SIM1: variants seen among roughly 807,000 people sequenced by gnomAD.
SIM1 encodes the protein SIM bHLH transcription factor 1, also known as single-minded homolog 1.
Under a neutral mutation model 78.2 loss-of-function variants are expected in SIM1, and 18 were observed. The ratio of observed to expected loss-of-function variants is 0.23; its 90% CI spans 0.16 to 0.34. SIM1 has a LOEUF of 0.34. SIM1 is among the 10% of genes least tolerant of loss of function. The pLI is 1.00. For missense variants in SIM1, 939 were observed against 975.1 expected (o/e 0.96, Z 0.49); for synonymous variants, 417 against 385.2 (o/e 1.08, Z -0.97).
intron 9 of SIM1, among the ~76,000 whole-genome samples, chr6:100,438,279 T>C (rs946790641): frequency 3.3e-5 from 5 of 151,982 alleles, no homozygotes; most frequent in Non-Finnish European, 5.9e-5. Context: ...ATACAAATAA[T>C]ACCATCAAAA....
chr6:100,391,895 G>A (rs1026254241), intron 11 of SIM1, among the ~76,000 whole-genome samples: 6 of 152,056 alleles, frequency 3.9e-5, no homozygotes, highest in Admixed American at 6.5e-5. Flanking sequence ...GAATAAGGCC[G>A]GGCATGGTGG....
At chr6:100,398,855 T>C (rs944452246) in intron 10 of SIM1, among the ~76,000 whole-genome samples, 1 of 152,090 alleles carries the variant, frequency 6.6e-6, no homozygotes, top group Non-Finnish European at 1.5e-5. Context: ...CTGTTTTTCA[T>C]AGAAGCTGCA....
At chr6:100,438,825 C>G (rs1350934798) in intron 9 of SIM1, among the ~76,000 whole-genome samples, 2 of 152,170 alleles carry the variant, frequency 1.3e-5, no homozygotes, top group African/African-American at 4.8e-5. Context: ...TTGGTTGGAA[C>G]TGGAGGCCAC....
intron 11 of SIM1, among the ~76,000 whole-genome samples, chr6:100,392,638 T>C (rs1770669604): frequency 6.6e-6 from 1 of 152,042 alleles, no homozygotes; most frequent in African/African-American, 2.4e-5. Context: ...GACAGGAAGG[T>C]TTATTAATGG....
chr6:100,433,532 C>CT (rs1441064207), intron 9 of SIM1, among the ~76,000 whole-genome samples: 3 of 152,084 alleles, frequency 2.0e-5, no homozygotes, highest in African/African-American at 4.8e-5. Flanking sequence ...TATTATATGA[C>CT]TTTTTTATTT....
chr6:100,423,436 C>T (rs1276607581), intron 9 of SIM1, among the ~76,000 whole-genome samples: 1 of 152,152 alleles, frequency 6.6e-6, no homozygotes, highest in African/African-American at 2.4e-5. Context: ...GGACTAAGTT[C>T]CTACCCCTCA....
intron 3 of SIM1, 110 bp downstream of exon 3, chr6:100,453,652 G>GA: frequency 1.2e-6 from 1 of 803,416 alleles, no homozygotes; most frequent in Non-Finnish European, 2.0e-6. Flanking sequence ...TGTGGGGGGG[G>GA]TTGTTTGTTT....
intron 10 of SIM1, among the ~76,000 whole-genome samples, chr6:100,415,871 GTC>G (rs903633086): frequency 6.6e-5 from 10 of 152,136 alleles, no homozygotes; most frequent in African/African-American, 2.4e-4. Flanking sequence ...TGGTGGGAAA[GTC>G]TCTTGGGTAA....
intron 2 of SIM1, among the ~76,000 whole-genome samples, chr6:100,461,477 T>C (rs1179954070): frequency 6.6e-6 from 1 of 152,182 alleles, no homozygotes; most frequent in African/African-American, 2.4e-5. Flanking sequence ...CCGCGATTAC[T>C]CGCAGCCCCA....
At chr6:100,440,347 G>C (rs1017408288) in intron 9 of SIM1, among the ~76,000 whole-genome samples, 1 of 152,182 alleles carries the variant, frequency 6.6e-6, no homozygotes, top group Admixed American at 6.5e-5. Context: ...TAAAGCCCAT[G>C]CCTTTGTTTC....
chr6:100,447,460 G>A, intron 8 of SIM1, 45 bp from the exon 9 acceptor site: 1 of 1,611,944 alleles, frequency 6.2e-7, no homozygotes, highest in South Asian at 1.1e-5. Context: ...CAGCCTGCCT[G>A]GGACTGGCCC....
intron 9 of SIM1, among the ~76,000 whole-genome samples, chr6:100,424,934 T>G (rs1477890295): frequency 6.6e-6 from 1 of 152,222 alleles, no homozygotes; most frequent in Non-Finnish European, 1.5e-5. Flanking sequence ...AAAAACCTTT[T>G]GCTGTATTTC....
At chr6:100,461,421 C>T (rs1011481236) in intron 2 of SIM1, among the ~76,000 whole-genome samples, 2 of 152,246 alleles carry the variant, frequency 1.3e-5, no homozygotes, top group Admixed American at 1.3e-4. Flanking sequence ...CTCTCCCGGC[C>T]GGCTCGGTGC....
chr6:100,455,709 G>A (rs1772632194), intron 2 of SIM1, among the ~76,000 whole-genome samples: 1 of 152,194 alleles, frequency 6.6e-6, no homozygotes, highest in Non-Finnish European at 1.5e-5. Flanking sequence ...CGGGGCACTC[G>A]AGCGAGCCTG....
intron 10 of SIM1, among the ~76,000 whole-genome samples, chr6:100,409,196 T>C (rs999235053): frequency 2.0e-5 from 3 of 152,158 alleles, no homozygotes; most frequent in Non-Finnish European, 4.4e-5. Flanking sequence ...GTTGGTGTGC[T>C]GCACCCATTA....
intron 10 of SIM1, among the ~76,000 whole-genome samples, chr6:100,412,757 AG>A (rs1268652968): frequency 7.5e-6 from 1 of 132,848 alleles, no homozygotes; most frequent in African/African-American, 2.7e-5. Context: ...GAAAGAAAAA[AG>A]AAAAGAAAAA....
intron 9 of SIM1, among the ~76,000 whole-genome samples, chr6:100,431,595 G>GATTTTGGA (rs1384899122): frequency 6.6e-6 from 1 of 152,200 alleles, no homozygotes; most frequent in Non-Finnish European, 1.5e-5. Context: ...ATTTGCTAGA[G>GATTTTGGA]ATTTTGGATT....
At chr6:100,435,440 A>G (rs527661193) in intron 9 of SIM1, among the ~76,000 whole-genome samples, 4 of 152,242 alleles carry the variant, frequency 2.6e-5, no homozygotes, top group Middle Eastern at 6.8e-3. Context: ...CTCACTAGCT[A>G]TGTTGTATTG....
At position 100,433,581 on chromosome 6, in the gene SIM1, C is replaced by T. The variant is rs1014404003; in HGVS notation, c.999-12623G>A. 2.0e-5 allele frequency among the ~76,000 whole-genome samples: 3 copies of T among 152,044 alleles called. No homozygotes were observed. In the East Asian group the frequency reaches 5.8e-4, roughly 29 times the overall value. On this transcript the variant is annotated intron_variant, in intron 9 of 11. Transcript: ENST00000369208. The stretch of plus-strand genomic sequence containing the variant: ...TTATAAGTATATTAAAATTTATACT[C>T]AAATTAGCCAGGTGTGGTGGCACAT...
Sources: gnomAD v4.1 joint callset for allele counts (sites outside exome capture counted in the v4.1 genomes callset) on GRCh38, gnomAD v4.1.1 for gene constraint, MANE v1.5 for transcripts, NCBI Gene and HGNC (gene_info 2026-07-23, HGNC 2026-07-21) for gene names.